The following CACNA1E variants were observed in gnomAD, a reference collection of about 807,000 sequenced individuals.
The protein encoded by CACNA1E is calcium voltage-gated channel subunit alpha1 E.
Under a neutral mutation model 259.2 loss-of-function variants are expected in CACNA1E, and 40 were observed. The observed-to-expected ratio is 0.15, with a 90% CI of 0.12 to 0.20. The LOEUF (loss-of-function observed/expected upper bound fraction) is 0.20. Among genes scored for constraint, CACNA1E ranks in the 10% least tolerant of loss-of-function variants. The pLI is 1.00. For synonymous variants in CACNA1E, 1,104 were observed against 1,138.5 expected, an observed-to-expected ratio of 0.97 and a Z score of 0.61; for missense variants, 1,874 against 3,040.1, an observed-to-expected ratio of 0.62 and a Z score of 9.02.
At chr1:181,529,674 C>A (rs1054127767) in intron 3 of CACNA1E, among the ~76,000 whole-genome samples, 1 of 152,220 alleles carries the variant, frequency 6.6e-6, no homozygotes, top group Non-Finnish European at 1.5e-5. Context: ...CAAAGGAGAT[C>A]ATTTTGGAGC....
intron 7 of CACNA1E, among the ~76,000 whole-genome samples, chr1:181,691,788 T>C (rs924823187): frequency 2.0e-5 from 3 of 152,152 alleles, no homozygotes; most frequent in Non-Finnish European, 1.5e-5. Flanking sequence ...TCACCACTTC[T>C]ACTGAACATA....
chr1:181,754,152 C>T (rs1041341171), intron 27 of CACNA1E, among the ~76,000 whole-genome samples: 3 of 152,196 alleles, frequency 2.0e-5, no homozygotes, highest in Admixed American at 6.5e-5. Flanking sequence ...TTCAGTGGGC[C>T]TCAAGGAGAG....
At position 181,361,733 on chromosome 1, in the gene CACNA1E, A is replaced by G. The variant is rs114976917; in HGVS notation, c.-15+43610A>G. Among the ~76,000 whole-genome samples the G allele has an allele frequency of 1.1e-3, 162 of 152,222 alleles. 1 individual carries two copies. Among genetic ancestry groups the G allele is most frequent in the African/African-American group, 3.4e-3 (143 of 41,528 alleles). ...CTGCTCTGTTTGTATCTGAGGATGT[A>G]AGGGGGAAGGGGATTAGACTTGATC... On this transcript the variant is annotated intron_variant, in intron 1 of 11. Coordinates refer to the CACNA1E transcript ENST00000524607.
chr1:181,625,387 G>T (rs1656105198), intron 6 of CACNA1E, among the ~76,000 whole-genome samples: 1 of 152,150 alleles, frequency 6.6e-6, no homozygotes, highest in Admixed American at 6.5e-5. Flanking sequence ...ATATGAAGCT[G>T]TTTCATCTAC....
intron 6 of CACNA1E, among the ~76,000 whole-genome samples, chr1:181,609,544 G>A (rs182303380): frequency 1.1e-3 from 175 of 152,306 alleles, no homozygotes; most frequent in Non-Finnish European, 4.1e-4. Flanking sequence ...AAAGAACAGA[G>A]TGAAAAGGCA....
chr1:181,387,495 C>T lies in CACNA1E; in HGVS notation c.-14-25638C>T, dbSNP rs6678476. 2.8e-3 allele frequency among the ~76,000 whole-genome samples: 425 copies of T among 152,296 alleles called. 5 individuals carry two copies. The highest frequency in any genetic ancestry group is 1.0e-2 in the African/African-American group (415 of 41,556). On this transcript the variant is annotated intron_variant, in intron 1 of 11. Transcript: ENST00000524607. ...GGTAATAGATGATCTGCCTCTTCCC[C>T]AGCTCCCCTCAGCCACAGGAGCCAA...
At chr1:181,476,492 A>G (rs1662859659) in intron 2 of CACNA1E, among the ~76,000 whole-genome samples, 1 of 152,070 alleles carries the variant, frequency 6.6e-6, no homozygotes, top group Non-Finnish European at 1.5e-5. Flanking sequence ...TGCAGCTGTG[A>G]GCTGCATTTT....
At chr1:181,789,846 C>T (rs1290947057) in intron 43 of CACNA1E, among the ~76,000 whole-genome samples, 1 of 152,208 alleles carries the variant, frequency 6.6e-6, no homozygotes, top group African/African-American at 2.4e-5. Context: ...CCATTTAAAC[C>T]TCTTCCTACA....
At chr1:181,763,902 C>T (rs1368317711) in intron 34 of CACNA1E, among the ~76,000 whole-genome samples, 6 of 152,342 alleles carry the variant, frequency 3.9e-5, no homozygotes, top group East Asian at 3.9e-4. Context: ...CAGATGTCCT[C>T]TGCATTTTCA....
chr1:181,742,949 G>A (rs530442012), intron 25 of CACNA1E, among the ~76,000 whole-genome samples: 1 of 152,080 alleles, frequency 6.6e-6, no homozygotes, highest in Non-Finnish European at 1.5e-5. Flanking sequence ...TTTTCTTCTT[G>A]GATTTATTTT....
intron 6 of CACNA1E, among the ~76,000 whole-genome samples, chr1:181,641,330 T>A (rs935947221): frequency 2.6e-5 from 4 of 152,192 alleles, no homozygotes; most frequent in African/African-American, 4.8e-5. Context: ...TCACGGGGAC[T>A]GAGCAAATCC....
intron 1 of CACNA1E, among the ~76,000 whole-genome samples, chr1:181,318,349 T>A (rs977357862): frequency 3.3e-5 from 5 of 152,162 alleles, no homozygotes; most frequent in Admixed American, 3.3e-4. Flanking sequence ...TCCGTTCCTT[T>A]GCAACTTCTG....
At chr1:181,450,832 C>T (rs555387788) in intron 2 of CACNA1E, among the ~76,000 whole-genome samples, 2 of 152,314 alleles carry the variant, frequency 1.3e-5, no homozygotes, top group East Asian at 1.9e-4. Flanking sequence ...GGGAGACCCA[C>T]TGCAGTGGTC....
chr1:181,601,043 T>G (rs1653692405), intron 6 of CACNA1E, among the ~76,000 whole-genome samples: 1 of 152,032 alleles, frequency 6.6e-6, no homozygotes, highest in African/African-American at 2.4e-5. Flanking sequence ...CCAAATTTAG[T>G]GTTGTTGCTC....
At position 181,762,541 on chromosome 1, in the gene CACNA1E, T is replaced by C. The variant is rs1362884217; in HGVS notation, c.4606-33T>C. 6 of 1,276,010 alleles carry C rather than the reference T, an allele frequency of 4.7e-6. No homozygotes were observed. In the South Asian group the frequency reaches 7.3e-5, roughly 16 times the overall value. The allele number at this position is 1,276,010 out of a possible 1,614,324, so 79.0% of individuals were successfully genotyped here. A position where few individuals can be genotyped will look rare whatever the true frequency, so the allele number is the denominator to read the frequency against. ...TTCTCCTTTTTTTTTTCTTTCCTTTTCTGATGTTCCTATGACTGAATTCAT... is the reference window on the plus strand; with the variant it reads ...TTCTCCTTTTTTTTTTCTTTCCTTTCCTGATGTTCCTATGACTGAATTCAT... On this transcript the variant is annotated intron_variant, in intron 32 of 47. Transcript: ENST00000367573.
intron 10 of CACNA1E, among the ~76,000 whole-genome samples, chr1:181,716,838 C>G (rs1653942417): frequency 6.6e-6 from 1 of 152,176 alleles, no homozygotes; most frequent in African/African-American, 2.4e-5. Context: ...TAAACACGAT[C>G]CTATTAAGAT....
At chr1:181,648,438 A>G (rs977582337) in intron 6 of CACNA1E, among the ~76,000 whole-genome samples, 2 of 152,196 alleles carry the variant, frequency 1.3e-5, no homozygotes, top group Non-Finnish European at 2.9e-5. Flanking sequence ...TTCAAAGGCT[A>G]TGTTCTTCGA....
chr1:181,515,043 T>C (rs1439127495), intron 3 of CACNA1E, among the ~76,000 whole-genome samples: 1 of 152,194 alleles, frequency 6.6e-6, no homozygotes, highest in African/African-American at 2.4e-5. Flanking sequence ...CCACATCTCC[T>C]GGCTCCAAGT....
intron 1 of CACNA1E, among the ~76,000 whole-genome samples, chr1:181,365,067 G>A (rs183612653): frequency 6.6e-6 from 1 of 152,236 alleles, no homozygotes; most frequent in Non-Finnish European, 1.5e-5. Flanking sequence ...CACTGAGCAC[G>A]TGCTTTGGGA....
Sources: gnomAD v4.1 joint callset for allele counts (sites outside exome capture counted in the v4.1 genomes callset) on GRCh38, gnomAD v4.1.1 for gene constraint, MANE v1.5 for transcripts, NCBI Gene and HGNC (gene_info 2026-07-23, HGNC 2026-07-21) for gene names.